The following TMEM181 variants were observed in gnomAD, a reference collection of about 807,000 sequenced individuals.
The protein encoded by TMEM181 is transmembrane protein 181, also known as G protein-coupled receptor 178.
Under a neutral mutation model 71.9 loss-of-function variants are expected in TMEM181, and 39 were observed. That is an observed-to-expected ratio of 0.54 (90% confidence interval 0.42 to 0.71). The LOEUF is 0.71. TMEM181 is among the 30% of genes least tolerant of loss of function. The probability of loss-of-function intolerance (pLI) is 0.00; values close to 1 mark genes in which losing one functional copy is unlikely to be tolerated. For missense variants in TMEM181, 595 were observed against 583.0 expected, an observed-to-expected ratio of 1.02 and a Z score of -0.21; for synonymous variants, 245 against 228.8, an observed-to-expected ratio of 1.07 and a Z score of -0.64.
At chr6:158,566,399 A>T (rs892817129) in intron 1 of TMEM181, among the ~76,000 whole-genome samples, 1 of 151,774 alleles carries the variant, frequency 6.6e-6, no homozygotes, top group African/African-American at 2.4e-5. Flanking sequence ...TCCCAGGATG[A>T]TGATGGTGAG....
At chr6:158,621,010 T>C (rs573282993) in intron 10 of TMEM181, among the ~76,000 whole-genome samples, 11 of 152,292 alleles carry the variant, frequency 7.2e-5, no homozygotes, top group African/African-American at 2.6e-4. Context: ...AATGTTTCTG[T>C]GTGTCTCTTT....
intron 1 of TMEM181, among the ~76,000 whole-genome samples, chr6:158,571,735 G>A (rs191703540): frequency 1.6e-4 from 25 of 152,380 alleles, no homozygotes; most frequent in Middle Eastern, 3.4e-3. Context: ...TTGCCCAGAG[G>A]AGTTGGTGTA....
At chr6:158,572,061 C>T (rs62437807) in intron 1 of TMEM181, among the ~76,000 whole-genome samples, 33,280 of 152,226 alleles carry the variant, frequency 0.22, 4,080 homozygotes, top group Middle Eastern at 0.29. Flanking sequence ...ACCCAGTGAC[C>T]CTGGTCTGTG....
intron 10 of TMEM181, 120 bp from the exon 11 acceptor site, chr6:158,623,430 T>A: frequency 1.7e-6 from 1 of 579,872 alleles, no homozygotes; most frequent in Non-Finnish European, 3.0e-6. Flanking sequence ...AATCCTTCAC[T>A]GTTGGTAGGA....
chr6:158,610,601 T>A, intron 10 of TMEM181: 1 of 390,484 alleles, frequency 2.6e-6, no homozygotes, highest in Non-Finnish European at 4.4e-6. Context: ...TGTTCTTCTT[T>A]GCTTCACCTC....
rs757557770 is a variant in TMEM181, at chr6:158,625,136, G to A, written c.987G>A (p.Ala329=). The change falls in exon 12 of 17, where the codon GCG becomes GCA. Residue 329 remains alanine, a synonymous_variant. Transcript: ENST00000684151. ...AGGTCTTCTTCATGGTGGTGGCAGCGGTGTACATTCTGTACCTCTTGTTCT... is the reference window on the plus strand; with the variant it reads ...AGGTCTTCTTCATGGTGGTGGCAGCAGTGTACATTCTGTACCTCTTGTTCT... ...GMKVFFMVVA[A]VYILYLLFLI... is the part of the protein sequence containing the mutation. 32 of 1,614,032 alleles carry A rather than the reference G, an allele frequency of 2.0e-5. No individual in the cohort carries two copies. Among genetic ancestry groups the A allele is most frequent in the Admixed American group, 3.3e-5 (2 of 59,994 alleles).
At chr6:158,608,786 G>T (rs1404687298) in intron 10 of TMEM181, 36 bp downstream of exon 10, 1 of 1,591,800 alleles carries the variant, frequency 6.3e-7, no homozygotes. Context: ...CTTCAGTCAT[G>T]AAAAGCATTT....
At chr6:158,537,421 G>A (rs776470629) in intron 1 of TMEM181, among the ~76,000 whole-genome samples, 56 of 152,348 alleles carry the variant, frequency 3.7e-4, no homozygotes, top group African/African-American at 1.3e-3. Context: ...GCCATGCGGG[G>A]ACACGGCGCC....
intron 6 of TMEM181, among the ~76,000 whole-genome samples, chr6:158,590,468 T>C (rs1046533346): frequency 6.6e-6 from 1 of 152,188 alleles, no homozygotes; most frequent in Non-Finnish European, 1.5e-5. Flanking sequence ...TGTTTTGTTT[T>C]TGTTTTTGAG....
At chr6:158,584,642 T>C (rs1259203026) in intron 4 of TMEM181, among the ~76,000 whole-genome samples, 2 of 152,244 alleles carry the variant, frequency 1.3e-5, no homozygotes, top group Non-Finnish European at 2.9e-5. Flanking sequence ...CCAAATCCTT[T>C]TCTGTTCTGT....
chr6:158,632,242 G>GAC lies in TMEM181; in HGVS notation c.*354_*355insAC. 4.0e-6 allele frequency: 1 copy of GAC among 250,040 alleles called. No individual in the cohort carries two copies. The highest frequency in any genetic ancestry group is 8.0e-6 in the Non-Finnish European group (1 of 124,560). 15.5% of individuals were successfully genotyped at this position (250,040 alleles called of 1,614,324 possible). On this transcript the variant is annotated 3_prime_UTR_variant, in exon 17 of 17. Coordinates refer to ENST00000684151, the MANE Select transcript of TMEM181 (RefSeq NM_001376852.1). ...TCATTCACTGATTCCAAGTTCACGGGCAGCCTGTGACTAGGTCCTCAGCGT... is the reference window on the plus strand; with the variant it reads ...TCATTCACTGATTCCAAGTTCACGGGACCAGCCTGTGACTAGGTCCTCAGCGT...
chr6:158,588,483 C>G (rs1783914921), intron 5 of TMEM181, among the ~76,000 whole-genome samples: 1 of 152,274 alleles, frequency 6.6e-6, no homozygotes, highest in Non-Finnish European at 1.5e-5. Context: ...GAGCTTTGCT[C>G]TTGTTGCCCA....
chr6:158,549,569 G>C (rs1387754382), intron 1 of TMEM181, among the ~76,000 whole-genome samples: 1 of 152,198 alleles, frequency 6.6e-6, no homozygotes, highest in East Asian at 1.9e-4. Context: ...ACAAACAAGA[G>C]AGCGGCTCTC....
At chr6:158,594,485 G>A (rs1007049901) in intron 6 of TMEM181, among the ~76,000 whole-genome samples, 1 of 152,104 alleles carries the variant, frequency 6.6e-6, no homozygotes, top group Non-Finnish European at 1.5e-5. Context: ...TAAGTTATAT[G>A]CATTTTAAGT....
In TMEM181 at chr6:158,632,135, A is replaced by G. The variant is rs1002533569; in HGVS notation, c.*247A>G. 2 of 501,754 alleles carry G rather than the reference A, an allele frequency of 4.0e-6. No individual in the cohort carries two copies. Among genetic ancestry groups the G allele is most frequent in the Non-Finnish European group, 7.2e-6 (2 of 278,184 alleles). 31.1% of individuals were successfully genotyped at this position (501,754 alleles called of 1,614,324 possible). On this transcript the variant is annotated 3_prime_UTR_variant, in exon 17 of 17. Coordinates refer to ENST00000684151, the MANE Select transcript of TMEM181 (RefSeq NM_001376852.1). ...TCAACAGCCAAATCCTTTTTTACAG[A>G]GATTTCAGATGAGCGTGTTTTCAGT...
Position 158,631,873 on chromosome 6 carries a change from G to A in TMEM181, c.1413G>A (p.Glu471=), listed in dbSNP as rs1786686215. 6.3e-7 allele frequency: 1 copy of A among 1,593,580 alleles called. No individual in the cohort carries two copies. The highest frequency in any genetic ancestry group is 8.5e-7 in the Non-Finnish European group (1 of 1,169,608). The change falls in exon 17 of 17, where the codon GAG becomes GAA. Residue 471 remains glutamate (E), a synonymous_variant. Coordinates refer to ENST00000684151, the MANE Select transcript of TMEM181 (RefSeq NM_001376852.1). Reference sequence around the variant, plus strand: ...CCATCCGGGCCAAGTACAAGGAGGAGTCAGATAGTGACTGAGCCCCGGCCA... The same window carrying A: ...CCATCCGGGCCAAGTACAAGGAGGAATCAGATAGTGACTGAGCCCCGGCCA... ...GQAIRAKYKE[E]SDSD is the part of the protein sequence containing the mutation.
chr6:158,574,737 TCTGCCTGC>T (rs1012373612), intron 2 of TMEM181, among the ~76,000 whole-genome samples: 2 of 152,174 alleles, frequency 1.3e-5, no homozygotes, highest in Admixed American at 6.5e-5. Context: ...TATCTACCTA[TCTGCCTGC>T]CTGCCTGCCT....
chr6:158,577,633 A>G (rs1223645572), intron 2 of TMEM181, among the ~76,000 whole-genome samples: 1 of 152,178 alleles, frequency 6.6e-6, no homozygotes, highest in African/African-American at 2.4e-5. Flanking sequence ...AAAGAGACCC[A>G]CACCAAGATA....
chr6:158,624,039 G>C (rs1467908733), intron 11 of TMEM181, among the ~76,000 whole-genome samples: 1 of 152,238 alleles, frequency 6.6e-6, no homozygotes, highest in Non-Finnish European at 1.5e-5. Context: ...TGGGATTACA[G>C]GCGTGAGCCA....
Sources: allele counts gnomAD v4.1 joint callset (sites outside exome capture counted in the v4.1 genomes callset), GRCh38; gene constraint gnomAD v4.1.1; transcripts MANE v1.5; gene names NCBI Gene and HGNC (gene_info 2026-07-23, HGNC 2026-07-21).